CPED1: variants seen among roughly 807,000 people sequenced by gnomAD.
The protein encoded by CPED1 is cadherin-like and PC-esterase domain-containing protein 1.
A neutral mutation model predicts 128.2 loss-of-function variants in CPED1; 114 were observed. The observed-to-expected ratio is 0.89, with a 90% CI of 0.76 to 1.04. CPED1 has a LOEUF of 1.04. Among genes scored for constraint, CPED1 ranks in the 50% least tolerant of loss-of-function variants. The probability of loss-of-function intolerance (pLI) is 0.00; values close to 1 mark genes in which losing one functional copy is unlikely to be tolerated. For synonymous variants in CPED1, 462 were observed against 426.7 expected, an observed-to-expected ratio of 1.08 and a Z score of -1.02; for missense variants, 1,211 against 1,207.1, an observed-to-expected ratio of 1.00 and a Z score of -0.05.
intron 22 of CPED1, among the ~76,000 whole-genome samples, chr7:121,279,368 G>A (rs1271601815): frequency 6.6e-6 from 1 of 151,754 alleles, no homozygotes; most frequent in African/African-American, 2.4e-5. Context: ...GAGGCAGATT[G>A]ACCACAAGCA....
intron 5 of CPED1, among the ~76,000 whole-genome samples, chr7:121,067,728 C>G (rs1199030587): frequency 1.3e-5 from 2 of 152,194 alleles, no homozygotes; most frequent in African/African-American, 4.8e-5. Context: ...ACAGTCCCAC[C>G]AACAGTGTAA....
intron 2 of CPED1, among the ~76,000 whole-genome samples, chr7:120,997,132 G>A (rs1796419805): frequency 6.6e-6 from 1 of 152,210 alleles, no homozygotes; most frequent in Admixed American, 6.5e-5. Context: ...CATTCTTAAA[G>A]CTTTTGAGAA....
At chr7:121,162,644 T>C (rs1796437397) in intron 16 of CPED1, among the ~76,000 whole-genome samples, 1 of 152,198 alleles carries the variant, frequency 6.6e-6, no homozygotes, top group African/African-American at 2.4e-5. Context: ...AATCCAGATA[T>C]TCCAAGCTCC....
At chr7:121,167,272 G>A (rs1272863582) in intron 16 of CPED1, among the ~76,000 whole-genome samples, 1 of 152,170 alleles carries the variant, frequency 6.6e-6, no homozygotes, top group Non-Finnish European at 1.5e-5. Flanking sequence ...TTAACTCAGA[G>A]GTCATGAAAT....
Position 121,047,136 on chromosome 7 carries a change from T to C in CPED1, c.540+143T>C, listed in dbSNP as rs1793220301. On this transcript the variant is annotated intron_variant, in intron 4 of 22. Coordinates refer to ENST00000310396, the MANE Select transcript of CPED1 (RefSeq NM_024913.5). ...ATCTTCCAACTGGCCATGCCTTATA[T>C]ACTTTACCATAAAATAGTCACCACT... The C allele has an allele frequency of 9.9e-6, 5 of 502,668 alleles. No individual in the cohort carries two copies. The Admixed American group carries it at 1.1e-4, about 11-fold the overall frequency. The allele number at this position is 502,668 out of a possible 1,614,324, so 31.1% of individuals were successfully genotyped here.
intron 16 of CPED1, among the ~76,000 whole-genome samples, chr7:121,222,323 T>G (rs913596480): frequency 6.6e-6 from 1 of 152,208 alleles, no homozygotes; most frequent in Non-Finnish European, 1.5e-5. Flanking sequence ...ATATCTCTGT[T>G]TTGGTACCAG....
At chr7:121,030,669 C>G (rs927324090) in intron 3 of CPED1, among the ~76,000 whole-genome samples, 1 of 152,098 alleles carries the variant, frequency 6.6e-6, no homozygotes, top group Admixed American at 6.5e-5. Flanking sequence ...TATAATTATT[C>G]TATTTTATTA....
intron 4 of CPED1, among the ~76,000 whole-genome samples, chr7:121,061,891 T>G (rs965250770): frequency 4.6e-5 from 7 of 152,200 alleles, no homozygotes; most frequent in African/African-American, 1.7e-4. Context: ...TGTTTTTACT[T>G]CTTTGTGCTG....
At chr7:121,220,747 A>G (rs1350480941) in intron 16 of CPED1, among the ~76,000 whole-genome samples, 1 of 152,016 alleles carries the variant, frequency 6.6e-6, no homozygotes, top group Admixed American at 6.6e-5. Flanking sequence ...GTAAAAGTGC[A>G]TTTTGCCTTT....
At chr7:121,141,034 C>A in intron 15 of CPED1, 21 bp downstream of exon 15, 1 of 1,589,090 alleles carries the variant, frequency 6.3e-7, no homozygotes, top group South Asian at 1.2e-5. Context: ...TTGACTGGGG[C>A]TGTGTTGAGA....
intron 18 of CPED1, among the ~76,000 whole-genome samples, chr7:121,248,817 CA>C (rs1798600566): frequency 6.6e-6 from 1 of 152,110 alleles, no homozygotes; most frequent in Non-Finnish European, 1.5e-5. Context: ...GCTTCTCAGC[CA>C]TGTTTCTTAA....
At chr7:121,116,355 A>G (rs1795233920) in intron 7 of CPED1, among the ~76,000 whole-genome samples, 1 of 152,226 alleles carries the variant, frequency 6.6e-6, no homozygotes, top group Admixed American at 6.5e-5. Context: ...TGTGATTTAC[A>G]CTAAAGCAAG....
intron 22 of CPED1, among the ~76,000 whole-genome samples, chr7:121,284,962 T>C (rs1158652165): frequency 1.3e-5 from 2 of 152,206 alleles, no homozygotes; most frequent in African/African-American, 2.4e-5. Context: ...ACCCCACATT[T>C]CCCTTCTGCA....
At chr7:121,049,383 T>C (rs1793291580) in intron 4 of CPED1, among the ~76,000 whole-genome samples, 1 of 152,218 alleles carries the variant, frequency 6.6e-6, no homozygotes, top group African/African-American at 2.4e-5. Flanking sequence ...GCTTTTGCCA[T>C]ATCACAGACC....
chr7:121,142,791 C>CA (rs1795936867), intron 16 of CPED1, among the ~76,000 whole-genome samples: 1 of 152,016 alleles, frequency 6.6e-6, no homozygotes, highest in African/African-American at 2.4e-5. Context: ...TACAGTTCCT[C>CA]ATATCATATA....
chr7:121,051,045 C>CA, intron 4 of CPED1: 1 of 535,754 alleles, frequency 1.9e-6, no homozygotes, highest in South Asian at 1.5e-5. Context: ...AATCTTCAGG[C>CA]AAAAATGTGC....
At chr7:121,198,208 T>A (rs1486203710) in intron 16 of CPED1, among the ~76,000 whole-genome samples, 1 of 152,126 alleles carries the variant, frequency 6.6e-6, no homozygotes, top group African/African-American at 2.4e-5. Flanking sequence ...ACCTTGGCAT[T>A]TATAAACTAG....
At position 121,019,296 on chromosome 7, in the gene CPED1, A is replaced by G. The variant is rs116778902; in HGVS notation, c.433+3448A>G. On this transcript the variant is annotated intron_variant, in intron 3 of 22. Transcript: ENST00000310396. ...AAGTTCTCTGAGCCCTAGTTCTTTT[A>G]TCTGTTAAAGGCATTAATTGTTCTT... Among the ~76,000 whole-genome samples, 676 of 152,146 alleles carry G rather than the reference A, an allele frequency of 4.4e-3. 5 individuals are homozygous for G. Among genetic ancestry groups the G allele is most frequent in the African/African-American group, 0.015 (636 of 41,556 alleles).
At chr7:121,107,714 T>C (rs1294066476) in intron 7 of CPED1, among the ~76,000 whole-genome samples, 1 of 152,094 alleles carries the variant, frequency 6.6e-6, no homozygotes, top group Non-Finnish European at 1.5e-5. Context: ...TTTTACACTT[T>C]TACTTTGGGT....
Sources: gnomAD v4.1 joint callset for allele counts (sites outside exome capture counted in the v4.1 genomes callset) on GRCh38, gnomAD v4.1.1 for gene constraint, MANE v1.5 for transcripts, NCBI Gene and HGNC (gene_info 2026-07-23, HGNC 2026-07-21) for gene names.